SAMD3: variants seen among roughly 807,000 people sequenced by gnomAD.
SAMD3 encodes the protein sterile alpha motif domain containing 3, also known as sterile alpha motif domain-containing protein 3.
SAMD3 carries 63 observed loss-of-function variants against 58.5 expected under a neutral mutation model. The observed-to-expected ratio is 1.08, with a 90% CI of 0.88 to 1.33. SAMD3 has a LOEUF of 1.33. Among genes scored for constraint, SAMD3 ranks in the 40% most tolerant of loss-of-function variants. The probability of loss-of-function intolerance (pLI) is 0.00; values close to 1 mark genes in which losing one functional copy is unlikely to be tolerated. For synonymous variants in SAMD3, 220 were observed against 210.3 expected (o/e 1.05, Z -0.40); for missense variants, 604 against 608.4 (o/e 0.99, Z 0.08).
At chr6:130,202,811 G>A (rs1794760683) in intron 5 of SAMD3, among the ~76,000 whole-genome samples, 1 of 152,148 alleles carries the variant, frequency 6.6e-6, no homozygotes, top group African/African-American at 2.4e-5. Context: ...GGTACAAAAT[G>A]ATGGGATCTT....
chr6:130,235,776 A>T (rs1773128752), intron 2 of SAMD3, among the ~76,000 whole-genome samples: 1 of 152,140 alleles, frequency 6.6e-6, no homozygotes, highest in Admixed American at 6.5e-5. Flanking sequence ...GTAGAGGCTA[A>T]TTTTTTCAAT....
At chr6:130,251,272 GTTA>G (rs976900161) in intron 2 of SAMD3, among the ~76,000 whole-genome samples, 2 of 151,986 alleles carry the variant, frequency 1.3e-5, no homozygotes, top group Non-Finnish European at 2.9e-5. Flanking sequence ...TAAAATTTTG[GTTA>G]TTTGTCTTAC....
rs564779937 is a variant in SAMD3 at position 130,280,453 on chromosome 6, A to C, written c.-188+32525T>G. On this transcript the variant is annotated intron_variant, in intron 2 of 13. Coordinates refer to the SAMD3 transcript ENST00000368134. Reference sequence around the variant, plus strand: ...TTTTGGCCCTCTTCTCTTCTCTCACATGCCTCCCCGTGGCACTCACATTCC... The same window carrying C: ...TTTTGGCCCTCTTCTCTTCTCTCACCTGCCTCCCCGTGGCACTCACATTCC... Among the ~76,000 whole-genome samples, 6 of 152,098 alleles carry C rather than the reference A, an allele frequency of 3.9e-5. No homozygotes were observed. The South Asian group carries it at 1.2e-3, about 32-fold the overall frequency.
At chr6:130,236,136 C>T (rs1773137247) in intron 2 of SAMD3, among the ~76,000 whole-genome samples, 1 of 152,082 alleles carries the variant, frequency 6.6e-6, no homozygotes, top group African/African-American at 2.4e-5. Context: ...TTCTCCAAGT[C>T]TTTGTATACA....
intron 4 of SAMD3, among the ~76,000 whole-genome samples, chr6:130,210,815 TA>T (rs1582939343): frequency 6.6e-6 from 1 of 151,698 alleles, no homozygotes; most frequent in South Asian, 2.1e-4. Flanking sequence ...ACACAGACCT[TA>T]AGTCTAATAA....
intron 1 of SAMD3, among the ~76,000 whole-genome samples, chr6:130,326,019 C>G (rs1412741480): frequency 6.6e-6 from 1 of 152,194 alleles, no homozygotes; most frequent in Non-Finnish European, 1.5e-5. Context: ...TTGATAAACT[C>G]AGGGGCATAT....
chr6:130,203,603 G>T (rs531412750), intron 5 of SAMD3, among the ~76,000 whole-genome samples: 2 of 152,236 alleles, frequency 1.3e-5, no homozygotes, highest in South Asian at 2.1e-4. Flanking sequence ...ATCTGTTGTG[G>T]TTACATATAT....
rs562176608 is a variant in SAMD3 at position 130,299,179 on chromosome 6, A to G, written c.-188+13799T>C. Among the ~76,000 whole-genome samples the G allele has an allele frequency of 8.3e-3, 1,264 of 152,312 alleles. 9 individuals carry two copies. The highest frequency in any genetic ancestry group is 0.012 in the Non-Finnish European group (817 of 67,998). ...TATAATTTTTCTAATCTGTGCTATG[A>G]AAAATTCTCTAAAATTGACCATACA... On this transcript the variant is annotated intron_variant, in intron 2 of 13. Transcript: ENST00000368134.
intron 5 of SAMD3, among the ~76,000 whole-genome samples, chr6:130,200,370 T>C (rs928901671): frequency 2.2e-5 from 3 of 138,324 alleles, no homozygotes; most frequent in African/African-American, 8.3e-5. Context: ...TGAAACCCCA[T>C]CTGTACTAAA....
chr6:130,345,005 G>A (rs1777401534), intron 1 of SAMD3, among the ~76,000 whole-genome samples: 1 of 151,840 alleles, frequency 6.6e-6, no homozygotes, highest in Non-Finnish European at 1.5e-5. Context: ...GAGGAAAAAG[G>A]GATGCTTTAT....
chr6:130,310,210 A>G (rs1413871606), intron 2 of SAMD3, among the ~76,000 whole-genome samples: 1 of 152,206 alleles, frequency 6.6e-6, no homozygotes, highest in African/African-American at 2.4e-5. Context: ...GCAAAATATC[A>G]TCACCGTAAT....
At chr6:130,217,801 A>C (rs1161202145) in intron 1 of SAMD3, among the ~76,000 whole-genome samples, 3 of 152,216 alleles carry the variant, frequency 2.0e-5, no homozygotes, top group Non-Finnish European at 4.4e-5. Flanking sequence ...TCTGAAGTCC[A>C]AAAGCTGAGA....
chr6:130,158,130 C>T (rs1789959550), intron 8 of SAMD3, among the ~76,000 whole-genome samples: 1 of 152,128 alleles, frequency 6.6e-6, no homozygotes, highest in Non-Finnish European at 1.5e-5. Flanking sequence ...CATCTTTCTC[C>T]AAGTAGAGCT....
At chr6:130,318,328 C>A (rs185347071) in intron 1 of SAMD3, among the ~76,000 whole-genome samples, 4 of 152,252 alleles carry the variant, frequency 2.6e-5, no homozygotes, top group Non-Finnish European at 5.9e-5. Context: ...AATGAACTAT[C>A]TCCCATAACA....
chr6:130,293,744 C>T (rs1775463604), intron 2 of SAMD3, among the ~76,000 whole-genome samples: 1 of 151,298 alleles, frequency 6.6e-6, no homozygotes, highest in Non-Finnish European at 1.5e-5. Flanking sequence ...TGGATTGTGT[C>T]ACCAGATTTA....
chr6:130,255,567 C>A, intron 2 of SAMD3, among the ~76,000 whole-genome samples: 1 of 152,178 alleles, frequency 6.6e-6, no homozygotes, highest in East Asian at 1.9e-4. Flanking sequence ...TATATTTTAT[C>A]TAAGAATAGC....
At chr6:130,193,498 C>T (rs1282637120) in intron 5 of SAMD3, among the ~76,000 whole-genome samples, 1 of 152,076 alleles carries the variant, frequency 6.6e-6, no homozygotes, top group African/African-American at 2.4e-5. Context: ...GCCCTGACCC[C>T]TTTCCCGCTT....
chr6:130,214,239 T>A, intron 4 of SAMD3, 98 bp downstream of exon 4: 1 of 961,620 alleles, frequency 1.0e-6, no homozygotes, highest in East Asian at 2.7e-5. Flanking sequence ...CTGAAAACGG[T>A]CACAGTTTTC....
intron 1 of SAMD3, among the ~76,000 whole-genome samples, chr6:130,316,524 C>T (rs1776377260): frequency 6.6e-6 from 1 of 152,020 alleles, no homozygotes; most frequent in African/African-American, 2.4e-5. Context: ...TGAGGGCCTA[C>T]TGCATTCAGG....
Sources: gnomAD v4.1 joint callset for allele counts (sites outside exome capture counted in the v4.1 genomes callset) on GRCh38, gnomAD v4.1.1 for gene constraint, MANE v1.5 for transcripts, NCBI Gene and HGNC (gene_info 2026-07-23, HGNC 2026-07-21) for gene names.